The following COL11A1 variants were observed in gnomAD, a reference collection of about 807,000 sequenced individuals.
COL11A1 encodes collagen type XI alpha 1 chain.
In COL11A1, 74 loss-of-function variants were observed where a neutral mutation model predicts 265.2. The observed-to-expected ratio is 0.28, with a 90% CI of 0.23 to 0.34. The LOEUF is 0.34. COL11A1 is among the 10% of genes least tolerant of loss of function. The pLI is 1.00. For synonymous variants in COL11A1, 816 were observed against 727.6 expected (o/e 1.12, Z -1.96); for missense variants, 2,165 against 2,263.6 (o/e 0.96, Z 0.88).
chr1:103,106,667 A>G (rs1674715844), intron 1 of COL11A1, among the ~76,000 whole-genome samples: 1 of 152,142 alleles, frequency 6.6e-6, no homozygotes, highest in Admixed American at 6.5e-5. Context: ...CAACATAATA[A>G]CTCCTTTCAA....
chr1:102,994,770 G>A (rs1664466133), intron 28 of COL11A1, among the ~76,000 whole-genome samples: 1 of 152,088 alleles, frequency 6.6e-6, no homozygotes, highest in South Asian at 2.1e-4. Flanking sequence ...GATTCTGAGT[G>A]TATTAGTCCG....
At chr1:103,042,552 C>G (rs1668895178) in intron 4 of COL11A1, among the ~76,000 whole-genome samples, 2 of 152,128 alleles carry the variant, frequency 1.3e-5, no homozygotes, top group African/African-American at 4.8e-5. Context: ...GTTTCCGGGA[C>G]AGACATGGAA....
intron 1 of COL11A1, among the ~76,000 whole-genome samples, chr1:103,087,736 C>T (rs1361062371): frequency 6.6e-6 from 1 of 152,202 alleles, no homozygotes; most frequent in Non-Finnish European, 1.5e-5. Context: ...CTGCAGAAAA[C>T]ATTCTCTGTC....
chr1:103,011,097 T>G (rs1357354428), intron 14 of COL11A1, among the ~76,000 whole-genome samples: 1 of 152,202 alleles, frequency 6.6e-6, no homozygotes, highest in African/African-American at 2.4e-5. Flanking sequence ...AGTCGCTGGT[T>G]CCAATCCTGA....
chr1:103,002,372 G>A, intron 23 of COL11A1, 56 bp downstream of exon 23: 1 of 1,395,822 alleles, frequency 7.2e-7, no homozygotes, highest in Non-Finnish European at 1.0e-6. Flanking sequence ...TTTTCTTATA[G>A]AAAGATAGCA....
chr1:102,940,293 A>G (rs2101302975), intron 43 of COL11A1, 34 bp downstream of exon 43: 1 of 1,534,834 alleles, frequency 6.5e-7, no homozygotes, highest in South Asian at 1.1e-5. Context: ...AAGCTTTTTC[A>G]CAGGATCTAC....
At chr1:102,904,827 G>A (rs1653711486) in intron 54 of COL11A1, among the ~76,000 whole-genome samples, 1 of 151,980 alleles carries the variant, frequency 6.6e-6, no homozygotes, top group South Asian at 2.1e-4. Flanking sequence ...CAATTCCTCA[G>A]GGATCTAGAA....
intron 54 of COL11A1, among the ~76,000 whole-genome samples, chr1:102,906,685 C>T (rs902849241): frequency 6.6e-6 from 1 of 152,140 alleles, no homozygotes; most frequent in African/African-American, 2.4e-5. Flanking sequence ...CAGGTGTCAG[C>T]CACTGCACTT....
At chr1:103,073,397 A>G (rs1671729032) in intron 4 of COL11A1, among the ~76,000 whole-genome samples, 2 of 151,816 alleles carry the variant, frequency 1.3e-5, no homozygotes, top group Admixed American at 1.3e-4. Flanking sequence ...GCTTTTCAAG[A>G]TTAGAAATTA....
intron 46 of COL11A1, among the ~76,000 whole-genome samples, chr1:102,931,750 G>T (rs913483008): frequency 6.6e-6 from 1 of 151,924 alleles, no homozygotes; most frequent in African/African-American, 2.4e-5. Context: ...GGTCACTCAG[G>T]ACTTGCTTTA....
At chr1:103,010,335 T>C (rs767141678) in intron 14 of COL11A1, among the ~76,000 whole-genome samples, 22 of 152,224 alleles carry the variant, frequency 1.4e-4, no homozygotes, top group Non-Finnish European at 3.1e-4. Context: ...ACATCAAATT[T>C]GCATGTTTTG....
intron 41 of COL11A1, among the ~76,000 whole-genome samples, chr1:102,959,932 C>T (rs1026306633): frequency 5.3e-5 from 8 of 152,084 alleles, no homozygotes; most frequent in Non-Finnish European, 1.2e-4. Context: ...CTTAAAACAT[C>T]ATTTATTCCT....
chr1:102,906,644 C>T (rs1330314674), intron 54 of COL11A1, among the ~76,000 whole-genome samples: 1 of 152,074 alleles, frequency 6.6e-6, no homozygotes, highest in Non-Finnish European at 1.5e-5. Flanking sequence ...AAGCAATACT[C>T]CTGCCTAAGT....
chr1:103,023,165 T>C (rs1311092641), intron 7 of COL11A1, among the ~76,000 whole-genome samples, 169 bp from the exon 8 acceptor site: 2 of 152,186 alleles, frequency 1.3e-5, no homozygotes, highest in African/African-American at 4.8e-5. Flanking sequence ...GAAAGAAATA[T>C]ATTTGTACAT....
intron 43 of COL11A1, among the ~76,000 whole-genome samples, chr1:102,939,569 T>TGAG (rs5776667): frequency 0.17 from 26,029 of 151,738 alleles, 2,401 homozygotes; most frequent in African/African-American, 0.23. Context: ...CTGCACATGG[T>TGAG]GAGGCATGCT....
chr1:102,926,756 T>C (rs1212984635), intron 46 of COL11A1, among the ~76,000 whole-genome samples: 1 of 152,142 alleles, frequency 6.6e-6, no homozygotes, highest in African/African-American at 2.4e-5. Flanking sequence ...AATTACAGTT[T>C]TATAGGATTC....
In COL11A1 at chr1:102,993,097, A is replaced by G. The variant is rs117476516; in HGVS notation, c.2340+2767T>C. Among the ~76,000 whole-genome samples the G allele has an allele frequency of 9.2e-5, 14 of 152,282 alleles. No homozygotes were observed. The East Asian group carries it at 2.1e-3, about 23-fold the overall frequency. ...AACAACATCCCCACCCCAGTCAGGC[A>G]ATTTTCTTTTAAACACTGCCTAGCC... On this transcript the variant is annotated intron_variant, in intron 28 of 66. Coordinates refer to ENST00000370096, the MANE Select transcript of COL11A1 (RefSeq NM_001854.4).
At chr1:102,898,438 G>A (rs966711669) in intron 56 of COL11A1, among the ~76,000 whole-genome samples, 1 of 151,388 alleles carries the variant, frequency 6.6e-6, no homozygotes. Flanking sequence ...TTAAAATTTG[G>A]TTTTCTATTT....
At chr1:103,075,456 C>T (rs1671901541) in intron 3 of COL11A1, among the ~76,000 whole-genome samples, 1 of 152,028 alleles carries the variant, frequency 6.6e-6, no homozygotes, top group African/African-American at 2.4e-5. Flanking sequence ...TGAAAGAAAA[C>T]ATAGTCAACG....
Sources: allele counts gnomAD v4.1 joint callset (sites outside exome capture counted in the v4.1 genomes callset), GRCh38; gene constraint gnomAD v4.1.1; transcripts MANE v1.5; gene names NCBI Gene and HGNC (gene_info 2026-07-23, HGNC 2026-07-21).